PLEKHG1: variants seen among roughly 807,000 people sequenced by gnomAD.
PLEKHG1 encodes pleckstrin homology and RhoGEF domain containing G1.
A neutral mutation model predicts 100.8 loss-of-function variants in PLEKHG1; 44 were observed. That is an observed-to-expected ratio of 0.44 (90% CI 0.34 to 0.56). The LOEUF is 0.56. PLEKHG1 is among the 20% of genes least tolerant of loss of function. The probability of loss-of-function intolerance (pLI) is 0.01; values close to 1 mark genes in which losing one functional copy is unlikely to be tolerated. For synonymous variants in PLEKHG1, 640 were observed against 662.5 expected (o/e 0.97, Z 0.52); for missense variants, 1,545 against 1,720.9 (o/e 0.90, Z 1.81).
At chr6:150,758,814 TG>T (rs1191882704) in intron 2 of PLEKHG1, among the ~76,000 whole-genome samples, 1 of 152,258 alleles carries the variant, frequency 6.6e-6, no homozygotes. Context: ...TTTCAATACG[TG>T]AGCATTTTCC....
intron 2 of PLEKHG1, among the ~76,000 whole-genome samples, chr6:150,739,365 A>T (rs1024834120): frequency 1.5e-4 from 22 of 151,488 alleles, no homozygotes; most frequent in African/African-American, 2.9e-4. Flanking sequence ...AGTGTATTTT[A>T]AAAAAAAAGC....
chr6:150,690,891 T>C (rs1483940059), intron 3 of PLEKHG1, among the ~76,000 whole-genome samples: 2 of 152,232 alleles, frequency 1.3e-5, no homozygotes, highest in Non-Finnish European at 2.9e-5. Context: ...CACAGATCCC[T>C]GCCTCCTGTG....
At chr6:150,625,400 T>C (rs1251374053) in intron 1 of PLEKHG1, among the ~76,000 whole-genome samples, 3 of 152,178 alleles carry the variant, frequency 2.0e-5, no homozygotes, top group Non-Finnish European at 4.4e-5. Flanking sequence ...GGTCCCTCTG[T>C]GTGTGTCTGT....
intron 3 of PLEKHG1, among the ~76,000 whole-genome samples, chr6:150,696,829 C>T (rs933827934): frequency 2.0e-5 from 3 of 152,090 alleles, no homozygotes; most frequent in Non-Finnish European, 4.4e-5. Context: ...ACTATAGGGC[C>T]GGGCGCAGTG....
At chr6:150,665,458 G>T (rs373802045) in intron 3 of PLEKHG1, among the ~76,000 whole-genome samples, 1 of 151,882 alleles carries the variant, frequency 6.6e-6, no homozygotes, top group Non-Finnish European at 1.5e-5. Context: ...GTGAAACCCT[G>T]TCTCTACAAA....
intron 3 of PLEKHG1, among the ~76,000 whole-genome samples, chr6:150,774,459 C>A (rs893211586): frequency 1.3e-5 from 2 of 149,802 alleles, no homozygotes; most frequent in Non-Finnish European, 3.0e-5. Flanking sequence ...TGATTTGAAT[C>A]ATATGTAACA....
Position 150,648,765 on chromosome 6 carries a change from T to G in PLEKHG1, c.-157-1963T>G, listed in dbSNP as rs148497976. ...GAATTATCTAATCCTTGAGGTAAAC[T>G]GTATGTATTAGTTGTTTAGCCTTTA... On this transcript the variant is annotated intron_variant, in intron 2 of 3. Transcript: ENST00000367326. 3.4e-4 allele frequency among the ~76,000 whole-genome samples: 52 copies of G among 152,294 alleles called. No individual in the cohort carries two copies. In the East Asian group the frequency reaches 7.7e-3, roughly 23 times the overall value.
chr6:150,809,830 T>C (rs959924300), intron 10 of PLEKHG1, 96 bp downstream of exon 11: 13 of 833,318 alleles, frequency 1.6e-5, no homozygotes, highest in Non-Finnish European at 2.5e-5. Context: ...GATCACATCA[T>C]TGAACTCCAG....
chr6:150,766,766 A>G (rs1326713214), intron 2 of PLEKHG1, among the ~76,000 whole-genome samples: 4 of 152,120 alleles, frequency 2.6e-5, no homozygotes, highest in Admixed American at 6.6e-5. Context: ...CCTTAACTCA[A>G]CCTTTCTCTC....
At chr6:150,806,417 G>T (rs982355883) in intron 7 of PLEKHG1, among the ~76,000 whole-genome samples, 1 of 151,994 alleles carries the variant, frequency 6.6e-6, no homozygotes, top group African/African-American at 2.4e-5. Context: ...AGGAGTGATG[G>T]TTCATGCCTG....
At chr6:150,604,848 G>A (rs562928119) in intron 1 of PLEKHG1, among the ~76,000 whole-genome samples, 1 of 152,180 alleles carries the variant, frequency 6.6e-6, no homozygotes, top group Non-Finnish European at 1.5e-5. Flanking sequence ...GGTTGACACA[G>A]ACCACAGATA....
chr6:150,785,746 T>G (rs530189055), intron 3 of PLEKHG1, among the ~76,000 whole-genome samples: 26 of 152,180 alleles, frequency 1.7e-4, no homozygotes, highest in African/African-American at 5.5e-4. Context: ...GTTTGTGACC[T>G]GTTAGGAACT....
At chr6:150,823,613 AT>A (rs1468269919) in intron 13 of PLEKHG1, 40 bp from the exon 15 acceptor site, 2 of 1,449,654 alleles carry the variant, frequency 1.4e-6, no homozygotes, top group Non-Finnish European at 9.7e-7. Flanking sequence ...TAGGAGGTAC[AT>A]TTTCATTCTC....
chr6:150,721,649 A>G lies in PLEKHG1; in HGVS notation c.-99+449A>G, dbSNP rs1215009657. Among the ~76,000 whole-genome samples the G allele has an allele frequency of 3.0e-4, 45 of 152,236 alleles. 1 individual carries two copies. The highest frequency in any genetic ancestry group is 1.3e-4 in the Non-Finnish European group (9 of 68,034). ...AATAAATGTTTGCAAATGTATGCTT[A>G]GCAACTGCAGTGATGAAGTTTAGTC... On this transcript the variant is annotated intron_variant, in intron 1 of 15. Coordinates refer to ENST00000358517, the Ensembl canonical transcript of PLEKHG1.
Position 150,723,956 on chromosome 6 carries a change from CA to C in PLEKHG1, c.-99+2757del, listed in dbSNP as rs1304573900. ...TCCAATGTCTTGGCTGGAAACACAG[CA>C]GGGGCTGTAACAGCCAGGGTTCCTT... On this transcript the variant is annotated intron_variant, in intron 1 of 15. Coordinates refer to ENST00000358517, the Ensembl canonical transcript of PLEKHG1. 5.3e-5 allele frequency among the ~76,000 whole-genome samples: 8 copies of C among 152,232 alleles called. No individual in the cohort carries two copies. In the East Asian group the frequency reaches 1.3e-3, roughly 26 times the overall value.
intron 6 of PLEKHG1, among the ~76,000 whole-genome samples, chr6:150,801,465 T>C (rs1786701161): frequency 7.1e-6 from 1 of 141,374 alleles, no homozygotes; most frequent in Admixed American, 7.7e-5. Flanking sequence ...TGAGACAGGG[T>C]CTGGCTCTGT....
chr6:150,811,993 G>A (rs563648572), intron 10 of PLEKHG1, among the ~76,000 whole-genome samples: 4 of 152,312 alleles, frequency 2.6e-5, no homozygotes, highest in South Asian at 2.1e-4. Flanking sequence ...GAGCCACAGC[G>A]ACAGAGGGAA....
intron 2 of PLEKHG1, among the ~76,000 whole-genome samples, chr6:150,763,598 A>G (rs1444678855): frequency 1.3e-5 from 2 of 152,074 alleles, no homozygotes; most frequent in Non-Finnish European, 2.9e-5. Context: ...AAACCTCAGA[A>G]CAGCCCTGCC....
intron 3 of PLEKHG1, among the ~76,000 whole-genome samples, chr6:150,783,472 T>C (rs6557095): frequency 0.39 from 58,526 of 151,626 alleles, 15,360 homozygotes; most frequent in African/African-American, 0.73. Flanking sequence ...CAGGCTCAAG[T>C]GATTCTCCTG....
Sources: allele counts gnomAD v4.1 joint callset (sites outside exome capture counted in the v4.1 genomes callset), GRCh38; gene constraint gnomAD v4.1.1; transcripts MANE v1.5; gene names NCBI Gene and HGNC (gene_info 2026-07-23, HGNC 2026-07-21).